The following NCOA1 variants were observed in gnomAD, a reference collection of about 807,000 sequenced individuals.
NCOA1 encodes the protein nuclear receptor coactivator 1, also known as Hin-2 protein.
Under a neutral mutation model 150.9 loss-of-function variants are expected in NCOA1, and 35 were observed. The observed-to-expected ratio is 0.23, with a 90% CI of 0.18 to 0.31. The LOEUF is 0.31. Ranked by LOEUF, NCOA1 falls within the 10% of genes least tolerant of loss-of-function variation. The pLI, the probability that NCOA1 is intolerant of heterozygous loss-of-function variation, is 1.00. For missense variants in NCOA1, 1,491 were observed against 1,749.3 expected (o/e 0.85, Z 2.63); for synonymous variants, 590 against 630.0 (o/e 0.94, Z 0.95).
chr2:24,718,694 A>G (rs1674184325), intron 14 of NCOA1, among the ~76,000 whole-genome samples: 1 of 150,270 alleles, frequency 6.7e-6, no homozygotes, highest in African/African-American at 2.5e-5. Flanking sequence ...AACTAGGCTA[A>G]CATGGTGAAA....
At chr2:24,747,970 G>A (rs1664021054) in intron 19 of NCOA1, among the ~76,000 whole-genome samples, 1 of 152,132 alleles carries the variant, frequency 6.6e-6, no homozygotes. Flanking sequence ...GCTGGGCGTG[G>A]TGGCGCATGC....
chr2:24,691,493 C>G lies in NCOA1; in HGVS notation c.545C>G (p.Pro182Arg). Residue 182 changes from proline to arginine, a missense_variant, in exon 9 of 23, where the codon CCT becomes CGT. Pro to Arg is a moderately radical substitution (Grantham distance 103). Coordinates refer to ENST00000348332, the MANE Select transcript of NCOA1 (RefSeq NM_003743.5). ...LLPKSLVNGV[P>R]WPQEATRRNS... ...TTTTCTTCCTCAGTAAATGGAGTTC[C>G]TTGGCCTCAAGAGGCAACACGACGA... 1.2e-6 allele frequency: 2 copies of G among 1,613,662 alleles called. No homozygotes were observed. The highest frequency in any genetic ancestry group is 1.7e-6 in the Non-Finnish European group (2 of 1,179,834).
chr2:24,700,837 A>G lies in NCOA1; in HGVS notation c.949+3039A>G, dbSNP rs1178151004. Reference sequence around the variant, plus strand: ...ACCCCGGACTACTGAATCAGAGTCTATAGTCTAAGATGTTTACTTACAGAG... The same window carrying G: ...ACCCCGGACTACTGAATCAGAGTCTGTAGTCTAAGATGTTTACTTACAGAG... On this transcript the variant is annotated intron_variant, in intron 11 of 22. Coordinates refer to ENST00000348332, the MANE Select transcript of NCOA1 (RefSeq NM_003743.5). Among the ~76,000 whole-genome samples the G allele has an allele frequency of 7.9e-5, 12 of 152,228 alleles. No homozygotes were observed. In the East Asian group the frequency reaches 1.2e-3, roughly 15 times the overall value.
chr2:24,762,664 G>T, intron 21 of NCOA1, 23 bp from the exon 22 acceptor site: 2 of 1,597,964 alleles, frequency 1.3e-6, no homozygotes, highest in South Asian at 2.2e-5. Flanking sequence ...CTTGTAATTT[G>T]ATCTTGTATT....
At chr2:24,548,520 C>A (rs111738895) in intron 1 of NCOA1, among the ~76,000 whole-genome samples, 8,105 of 152,262 alleles carry the variant, frequency 0.053, 300 homozygotes, top group East Asian at 0.19. Context: ...TCCCCCAAGT[C>A]TTAGCTCATT....
intron 1 of NCOA1, among the ~76,000 whole-genome samples, chr2:24,544,509 A>G (rs1172430558): frequency 6.6e-6 from 1 of 152,194 alleles, no homozygotes; most frequent in African/African-American, 2.4e-5. Context: ...TTGGAAGGCC[A>G]AGGTGGTGGA....
intron 20 of NCOA1, among the ~76,000 whole-genome samples, chr2:24,757,560 C>T (rs1223525263): frequency 2.0e-5 from 3 of 151,860 alleles, no homozygotes; most frequent in East Asian, 1.9e-4. Context: ...ATCATTCATT[C>T]GTGTGTTAAT....
intron 4 of NCOA1, among the ~76,000 whole-genome samples, chr2:24,644,887 C>A (rs1342640237): frequency 1.3e-5 from 2 of 152,112 alleles, no homozygotes; most frequent in Non-Finnish European, 2.9e-5. Context: ...AGAAGTAGAA[C>A]AATACCACCA....
At chr2:24,690,512 C>T (rs571533903) in intron 8 of NCOA1, among the ~76,000 whole-genome samples, 7 of 151,684 alleles carry the variant, frequency 4.6e-5, no homozygotes, top group African/African-American at 7.3e-5. Context: ...ATTAGCCCAG[C>T]GTGGTGGCAC....
At position 24,690,651 on chromosome 2, in the gene NCOA1, C is replaced by CAAAAA. The variant is rs70947837; in HGVS notation, c.533-807_533-803dup. ...TGGGTGACAAAGTGAGATTCCATCT[C>CAAAAA]AAAAAAAAAAAAAAAAAAAAAAAAA... is the stretch of plus-strand genomic sequence containing the variant. On this transcript the variant is annotated intron_variant, in intron 8 of 22. Coordinates refer to ENST00000348332, the MANE Select transcript of NCOA1 (RefSeq NM_003743.5). 2.4e-3 allele frequency among the ~76,000 whole-genome samples: 93 copies of CAAAAA among 38,436 alleles called. 15 individuals are homozygous for CAAAAA. The highest frequency in any genetic ancestry group is 5.3e-3 in the South Asian group (3 of 568). 25.2% of individuals were successfully genotyped at this position (38,436 alleles called of 152,430 possible).
At chr2:24,599,132 G>A (rs1037197432) in intron 3 of NCOA1, among the ~76,000 whole-genome samples, 1 of 152,134 alleles carries the variant, frequency 6.6e-6, no homozygotes, top group Non-Finnish European at 1.5e-5. Flanking sequence ...TGTCAATCTA[G>A]TATTGTAAGA....
intron 14 of NCOA1, among the ~76,000 whole-genome samples, chr2:24,712,077 G>A (rs1673773136): frequency 6.6e-6 from 1 of 152,192 alleles, no homozygotes; most frequent in South Asian, 2.1e-4. Flanking sequence ...TTTGGAGGCA[G>A]TATTTTAGCT....
chr2:24,554,493 C>A (rs536596221), intron 1 of NCOA1: 1 of 151,926 alleles, frequency 6.6e-6, no homozygotes, highest in African/African-American at 2.4e-5. Context: ...ATACGGCAAT[C>A]GTGGATAGGA....
In NCOA1 at chr2:24,598,795, G is replaced by A. The variant is rs1359615520; in HGVS notation, c.-175+14235G>A. ...TTTAAGACATTATTTTAGATTCAAG[G>A]GGCACATGTGCAGTTTTGTTACATG... On this transcript the variant is annotated intron_variant, in intron 3 of 22. Transcript: ENST00000348332. Among the ~76,000 whole-genome samples the A allele has an allele frequency of 2.0e-5, 3 of 151,294 alleles. No individual in the cohort carries two copies. The East Asian group carries it at 5.8e-4, about 29-fold the overall frequency.
At chr2:24,499,855 CGGAG>C (rs1401114025) in intron 1 of NCOA1, among the ~76,000 whole-genome samples, 2 of 152,188 alleles carry the variant, frequency 1.3e-5, no homozygotes, top group Non-Finnish European at 2.9e-5. Context: ...ACTCGTTACA[CGGAG>C]GGAACAGTGT....
At chr2:24,582,038 G>A in intron 2 of NCOA1, among the ~76,000 whole-genome samples, 1 of 152,068 alleles carries the variant, frequency 6.6e-6, no homozygotes, top group East Asian at 1.9e-4. Context: ...TTCCTTTAAG[G>A]AAAGGAATAA....
At chr2:24,626,859 ACT>A (rs1362456054) in intron 3 of NCOA1, among the ~76,000 whole-genome samples, 3 of 151,880 alleles carry the variant, frequency 2.0e-5, no homozygotes, top group Non-Finnish European at 4.4e-5. Context: ...TCTCCTAGTC[ACT>A]CTCTACTTCA....
chr2:24,604,625 G>A (rs2148366084), intron 3 of NCOA1, among the ~76,000 whole-genome samples: 1 of 152,288 alleles, frequency 6.6e-6, no homozygotes, highest in African/African-American at 2.4e-5. Flanking sequence ...TGTCTTCATA[G>A]AATTGAAGAT....
chr2:24,595,990 C>G (rs780976361), intron 3 of NCOA1, among the ~76,000 whole-genome samples: 1 of 152,082 alleles, frequency 6.6e-6, no homozygotes, highest in Non-Finnish European at 1.5e-5. Flanking sequence ...GGTAGACTTT[C>G]AGGAGTGAGA....
Sources: allele counts gnomAD v4.1 joint callset (sites outside exome capture counted in the v4.1 genomes callset), GRCh38; gene constraint gnomAD v4.1.1; transcripts MANE v1.5; gene names NCBI Gene and HGNC (gene_info 2026-07-23, HGNC 2026-07-21).